Variants in KHDRBS2 observed in about 807,000 individuals in gnomAD.
KHDRBS2 encodes the protein KH RNA binding domain containing, signal transduction associated 2, also known as KH domain-containing, RNA-binding, signal transduction-associated protein 2.
Under a neutral mutation model 44.3 loss-of-function variants are expected in KHDRBS2, and 26 were observed. That is an observed-to-expected ratio of 0.59 (90% CI 0.43 to 0.81). The LOEUF is 0.81. Among genes scored for constraint, KHDRBS2 ranks in the 40% least tolerant of loss-of-function variants. KHDRBS2 has a pLI of 0.00. For missense variants in KHDRBS2, 476 were observed against 433.1 expected (o/e 1.10, Z -0.88); for synonymous variants, 194 against 151.1 (o/e 1.28, Z -2.08).
rs138540741 is a variant in KHDRBS2, at chr6:62,215,873, G to T, written c.92-38561C>A. 8.1e-3 allele frequency among the ~76,000 whole-genome samples: 1,231 copies of T among 151,650 alleles called. 27 individuals are homozygous for T. The highest frequency in any genetic ancestry group is 0.028 in the African/African-American group (1,146 of 41,458). ...AAATTGGGATCTTACTTAAATGAGAGATAATCAATGTAAATATTAATACAG... is the reference window on the plus strand; with the variant it reads ...AAATTGGGATCTTACTTAAATGAGATATAATCAATGTAAATATTAATACAG... On this transcript the variant is annotated intron_variant, in intron 1 of 8. Transcript: ENST00000281156.
chr6:61,962,335 G>A (rs1768920895), intron 4 of KHDRBS2, among the ~76,000 whole-genome samples: 1 of 151,952 alleles, frequency 6.6e-6, no homozygotes, highest in Admixed American at 6.6e-5. Context: ...AATAACTGTG[G>A]GCACAACCAA....
At chr6:62,263,152 G>A (rs1449895626) in intron 1 of KHDRBS2, among the ~76,000 whole-genome samples, 1 of 151,694 alleles carries the variant, frequency 6.6e-6, no homozygotes, top group Non-Finnish European at 1.5e-5. Context: ...CATGCCATTT[G>A]CAGTAAGTGT....
chr6:62,070,335 CT>C (rs35219578), intron 2 of KHDRBS2, among the ~76,000 whole-genome samples: 87,558 of 148,572 alleles, frequency 0.59, 25,768 homozygotes, highest in Non-Finnish European at 0.62. Context: ...GTGTTCACTT[CT>C]TTTTTTTTTT....
At chr6:61,833,863 T>C (rs1792225219) in intron 6 of KHDRBS2, among the ~76,000 whole-genome samples, 1 of 152,124 alleles carries the variant, frequency 6.6e-6, no homozygotes, top group East Asian at 1.9e-4. Flanking sequence ...AATTTAAAAT[T>C]TTCTCTCTCT....
At chr6:61,836,811 T>A (rs1010395669) in intron 6 of KHDRBS2, among the ~76,000 whole-genome samples, 2 of 152,000 alleles carry the variant, frequency 1.3e-5, no homozygotes, top group African/African-American at 4.8e-5. Flanking sequence ...GTTTAAGCAA[T>A]CCAAAGTCAT....
At chr6:62,022,471 T>C (rs1480852182) in intron 3 of KHDRBS2, among the ~76,000 whole-genome samples, 2 of 151,790 alleles carry the variant, frequency 1.3e-5, no homozygotes, top group African/African-American at 2.4e-5. Flanking sequence ...GTTAACATAC[T>C]GTATTGGCCA....
At chr6:62,038,937 T>C (rs1785889376) in intron 3 of KHDRBS2, among the ~76,000 whole-genome samples, 1 of 152,078 alleles carries the variant, frequency 6.6e-6, no homozygotes, top group African/African-American at 2.4e-5. Flanking sequence ...TAATTAATAA[T>C]GTATTGTATG....
At chr6:61,869,389 G>C (rs1470446144) in intron 6 of KHDRBS2, among the ~76,000 whole-genome samples, 1 of 152,150 alleles carries the variant, frequency 6.6e-6, no homozygotes, top group Non-Finnish European at 1.5e-5. Flanking sequence ...ACCAGTGATA[G>C]TATATTTAGT....
intron 6 of KHDRBS2, among the ~76,000 whole-genome samples, chr6:61,785,595 A>G (rs1783681441): frequency 6.6e-6 from 1 of 152,096 alleles, no homozygotes; most frequent in Admixed American, 6.6e-5. Flanking sequence ...ATAACTGTCT[A>G]TGGGATTGGA....
intron 2 of KHDRBS2, among the ~76,000 whole-genome samples, chr6:62,176,146 A>C (rs1457546685): frequency 6.6e-6 from 1 of 151,352 alleles, no homozygotes; most frequent in African/African-American, 2.4e-5. Context: ...TTTCATGTAC[A>C]TTTCTAAGAC....
At chr6:61,731,688 G>A (rs1774483148) in intron 7 of KHDRBS2, among the ~76,000 whole-genome samples, 1 of 152,012 alleles carries the variant, frequency 6.6e-6, no homozygotes, top group Admixed American at 6.6e-5. Flanking sequence ...TAATGATTTT[G>A]CAACAGTAAG....
At chr6:61,925,404 G>A (rs1808770173) in intron 4 of KHDRBS2, among the ~76,000 whole-genome samples, 1 of 152,162 alleles carries the variant, frequency 6.6e-6, no homozygotes, top group African/African-American at 2.4e-5. Flanking sequence ...TAAATAAGAT[G>A]TTATATTTTC....
intron 2 of KHDRBS2, among the ~76,000 whole-genome samples, chr6:62,129,017 T>A (rs1278045282): frequency 6.6e-6 from 1 of 152,068 alleles, no homozygotes; most frequent in African/African-American, 2.4e-5. Context: ...GAATGATAAA[T>A]AGGACCTTTT....
chr6:61,708,043 T>C (rs1769880580), intron 7 of KHDRBS2, among the ~76,000 whole-genome samples: 1 of 151,662 alleles, frequency 6.6e-6, no homozygotes, highest in South Asian at 2.1e-4. Flanking sequence ...AGACAGTTAA[T>C]TTTTCATTCA....
intron 1 of KHDRBS2, among the ~76,000 whole-genome samples, chr6:62,195,913 T>C (rs529712414): frequency 1.4e-4 from 22 of 152,270 alleles, no homozygotes; most frequent in Admixed American, 7.2e-4. Context: ...TGTTTTAAAA[T>C]GTAAATTAAT....
At chr6:61,852,043 GA>G (rs1795503658) in intron 6 of KHDRBS2, among the ~76,000 whole-genome samples, 1 of 151,984 alleles carries the variant, frequency 6.6e-6, no homozygotes. Context: ...CCAACATGGT[GA>G]AACCGCATCT....
At chr6:61,636,112 C>T in the KHDRBS2 span, among the ~76,000 whole-genome samples, 1 of 152,034 alleles carries the variant, frequency 6.6e-6, no homozygotes, top group Non-Finnish European at 1.5e-5. Flanking sequence ...AATCCCACAC[C>T]TAAAATGAAC....
chr6:62,109,489 A>C (rs958645786), intron 2 of KHDRBS2, among the ~76,000 whole-genome samples: 5 of 152,032 alleles, frequency 3.3e-5, no homozygotes, highest in African/African-American at 1.2e-4. Context: ...AAAGCCATTC[A>C]GGTTAGAAAA....
intron 2 of KHDRBS2, among the ~76,000 whole-genome samples, chr6:62,114,724 C>G (rs1257743363): frequency 6.7e-6 from 1 of 149,722 alleles, no homozygotes; most frequent in Non-Finnish European, 1.5e-5. Context: ...TATATTTTGC[C>G]CATTTTACAG....
Sources: allele counts gnomAD v4.1 joint callset (sites outside exome capture counted in the v4.1 genomes callset), GRCh38; gene constraint gnomAD v4.1.1; transcripts MANE v1.5; gene names NCBI Gene and HGNC (gene_info 2026-07-23, HGNC 2026-07-21).